RPS6KA6: variants seen among roughly 807,000 people sequenced by gnomAD.
RPS6KA6 encodes ribosomal protein S6 kinase A6.
Under a neutral mutation model 65.4 loss-of-function variants are expected in RPS6KA6, and 27 were observed. That is an observed-to-expected ratio of 0.41 (90% confidence interval 0.30 to 0.57). The LOEUF (loss-of-function observed/expected upper bound fraction) is 0.57, where lower values mean the gene tolerates loss of function less well. RPS6KA6 is among the 20% of genes least tolerant of loss of function. The probability of loss-of-function intolerance (pLI) is 0.24; values close to 1 mark genes in which losing one functional copy is unlikely to be tolerated. For missense variants in RPS6KA6, 486 were observed against 555.6 expected, an observed-to-expected ratio of 0.87 and a Z score of 1.26; for synonymous variants, 190 against 184.2, an observed-to-expected ratio of 1.03 and a Z score of -0.26.
intron 18 of RPS6KA6, among the ~76,000 whole-genome samples, chrX:84,101,600 T>C (rs886563760): frequency 4.5e-5 from 5 of 111,173 alleles, no homozygotes; most frequent in Non-Finnish European, 7.6e-5. Flanking sequence ...TGCTAATCTA[T>C]ATAAATTACC....
intron 2 of RPS6KA6, among the ~76,000 whole-genome samples, chrX:84,163,902 G>T (rs1170185925): frequency 2.7e-5 from 3 of 111,357 alleles, no homozygotes; most frequent in African/African-American, 9.8e-5. Context: ...CTTTCTAAAA[G>T]CCAGGAAATT....
chrX:84,160,589 T>C (rs1170448863), intron 2 of RPS6KA6, among the ~76,000 whole-genome samples: 3 of 111,787 alleles, frequency 2.7e-5, no homozygotes, highest in Non-Finnish European at 1.9e-5. Context: ...TGTTCATTTT[T>C]ATTTAATAAT....
intron 20 of RPS6KA6, among the ~76,000 whole-genome samples, chrX:84,087,020 A>G (rs2147376147): frequency 9.1e-6 from 1 of 109,798 alleles, no homozygotes; most frequent in East Asian, 2.9e-4. Context: ...ATTTTCCTCC[A>G]TCCTTTTATT....
chrX:84,161,869 A>G (rs940789279), intron 2 of RPS6KA6, among the ~76,000 whole-genome samples: 4 of 112,068 alleles, frequency 3.6e-5, no homozygotes, highest in African/African-American at 1.3e-4. Flanking sequence ...ATCAACAAAG[A>G]ATCTAATTGC....
chrX:84,070,335 G>A (rs771124405), intron 20 of RPS6KA6, among the ~76,000 whole-genome samples: 2 of 111,020 alleles, frequency 1.8e-5, no homozygotes, highest in East Asian at 5.7e-4. Flanking sequence ...ATAAGTGGGA[G>A]TTAAACAATG....
intron 12 of RPS6KA6, among the ~76,000 whole-genome samples, chrX:84,112,042 CAGATA>C (rs2147451028): frequency 9.0e-6 from 1 of 111,510 alleles, no homozygotes; most frequent in Admixed American, 9.5e-5. Context: ...ATTCTCATAT[CAGATA>C]AAACAGACTT....
At chrX:84,069,712 T>G (rs1048519242) in intron 20 of RPS6KA6, among the ~76,000 whole-genome samples, 1 of 111,274 alleles carries the variant, frequency 9.0e-6, no homozygotes, top group South Asian at 3.7e-4. Context: ...TTAAACAAAT[T>G]TAGAAGAAAG....
At chrX:84,148,801 T>A (rs1306528008) in intron 3 of RPS6KA6, among the ~76,000 whole-genome samples, 1 of 111,812 alleles carries the variant, frequency 8.9e-6, no homozygotes, top group East Asian at 2.8e-4. Flanking sequence ...TGCCTCAATG[T>A]TGATGGCTGC....
chrX:84,169,215 T>C (rs1423279687), intron 1 of RPS6KA6, among the ~76,000 whole-genome samples: 1 of 111,433 alleles, frequency 9.0e-6, no homozygotes, highest in Non-Finnish European at 1.9e-5. Context: ...CAGACTCTCG[T>C]ACCAGGGCTT....
intron 3 of RPS6KA6, among the ~76,000 whole-genome samples, chrX:84,153,251 AG>A (rs2035360224): frequency 1.8e-5 from 2 of 112,104 alleles, no homozygotes; most frequent in African/African-American, 6.5e-5. Flanking sequence ...CTATCACAAA[AG>A]CAAAAGTATT....
In RPS6KA6 at chrX:84,116,243, T is replaced by G. The variant is rs922785036; in HGVS notation, c.994A>C (p.Asn332His). ...EEIKRHLFFA[N>H]IDWDKLYKRE... ...ACTTAACTTACATCCCAGTCAATAT[T>G]TGCAAAAAACAGATGTCTTTTGATT... is the stretch of plus-strand genomic sequence containing the variant. Residue 332 changes from asparagine (N) to histidine (H), a missense_variant, in exon 12 of 22, where the codon AAT becomes CAT. Transcript: ENST00000262752. The G allele has an allele frequency of 8.8e-7, 1 of 1,139,421 alleles. No individual in the cohort carries two copies. The highest frequency in any genetic ancestry group is 1.2e-6 in the Non-Finnish European group (1 of 837,708). 93.9% of individuals were successfully genotyped at this position (1,139,421 alleles called of 1,213,427 possible).
chrX:84,078,046 T>A (rs762636132), intron 20 of RPS6KA6, among the ~76,000 whole-genome samples: 4 of 112,113 alleles, frequency 3.6e-5, no homozygotes, highest in Admixed American at 9.5e-5. Context: ...AGAAATGACT[T>A]CTTTGAAAGA....
intron 18 of RPS6KA6, among the ~76,000 whole-genome samples, chrX:84,098,219 T>C (rs1277031267): frequency 9.0e-6 from 1 of 111,452 alleles, no homozygotes; most frequent in African/African-American, 3.2e-5. Context: ...TAGTAAGTAG[T>C]AGAACACGAA....
In RPS6KA6 at chrX:84,059,118, T is replaced by C. The variant is rs181647943; in HGVS notation, c.*5159A>G. Reference sequence around the variant, plus strand: ...TTTTAAATGGCTGTTTCTTTTCTTTTTTTTTTTTTTTTTTTTTTTTTTTTT... The same window carrying C: ...TTTTAAATGGCTGTTTCTTTTCTTTCTTTTTTTTTTTTTTTTTTTTTTTTT... On this transcript the variant is annotated 3_prime_UTR_variant, in exon 22 of 22. Transcript: ENST00000262752. 5.7e-3 allele frequency: 354 copies of C among 62,528 alleles called. 3 individuals are homozygous for C. Among genetic ancestry groups the C allele is most frequent in the East Asian group, 0.024 (40 of 1,701 alleles). The allele number at this position is 62,528 out of a possible 1,213,427, so 5.2% of individuals were successfully genotyped here.
chrX:84,084,551 C>A (rs1421207119), intron 20 of RPS6KA6, among the ~76,000 whole-genome samples: 1 of 111,691 alleles, frequency 9.0e-6, no homozygotes, highest in Non-Finnish European at 1.9e-5. Flanking sequence ...AGTTTCTATT[C>A]TGTTCCATTG....
intron 6 of RPS6KA6, among the ~76,000 whole-genome samples, chrX:84,138,837 G>C (rs1345516538): frequency 2.4e-5 from 2 of 82,969 alleles, no homozygotes; most frequent in Non-Finnish European, 5.1e-5. Context: ...GTGTGTGTGT[G>C]TGTGTACATT....
Position 84,134,933 on chromosome X carries a change from T to A in RPS6KA6, c.609-114A>T, listed in dbSNP as rs1602444208. 3 of 618,198 alleles carry A rather than the reference T, an allele frequency of 4.9e-6. No homozygotes were observed. The Admixed American group carries it at 1.2e-4, about 25-fold the overall frequency. 50.9% of individuals were successfully genotyped at this position (618,198 alleles called of 1,213,427 possible). Reference sequence around the variant, plus strand: ...GTATCTATTTAATATATGTAAAAAATTTAAATGATTAACTTAAAGTCAATG... The same window carrying A: ...GTATCTATTTAATATATGTAAAAAAATTAAATGATTAACTTAAAGTCAATG... On this transcript the variant is annotated intron_variant, in intron 7 of 21. Transcript: ENST00000262752.
At chrX:84,179,667 A>G (rs759695700) in intron 1 of RPS6KA6, among the ~76,000 whole-genome samples, 9 of 111,811 alleles carry the variant, frequency 8.0e-5, no homozygotes, top group African/African-American at 2.9e-4. Flanking sequence ...ACTTATTCCA[A>G]TGTAATTGCT....
chrX:84,069,319 T>C (rs187960345), intron 20 of RPS6KA6, among the ~76,000 whole-genome samples: 422 of 111,803 alleles, frequency 3.8e-3, no homozygotes, highest in Non-Finnish European at 6.3e-3. Context: ...GGGGAAAGGA[T>C]CCCCTATTTA....
Sources: gnomAD v4.1 joint callset for allele counts (sites outside exome capture counted in the v4.1 genomes callset) on GRCh38, gnomAD v4.1.1 for gene constraint, MANE v1.5 for transcripts, NCBI Gene and HGNC (gene_info 2026-07-23, HGNC 2026-07-21) for gene names.